The following GRIK2 variants were observed in gnomAD, a reference collection of about 807,000 sequenced individuals.
The protein encoded by GRIK2 is glutamate receptor ionotropic, kainate 2.
A neutral mutation model predicts 100.3 loss-of-function variants in GRIK2; 32 were observed. That is an observed-to-expected ratio of 0.32 (90% confidence interval 0.24 to 0.43). The LOEUF is 0.43. Ranked by LOEUF, GRIK2 falls within the 20% of genes least tolerant of loss-of-function variation. The pLI is 1.00. For missense variants in GRIK2, 843 were observed against 1,114.9 expected (o/e 0.76, Z 3.47); for synonymous variants, 417 against 389.4 (o/e 1.07, Z -0.83).
intron 11 of GRIK2, among the ~76,000 whole-genome samples, chr6:101,880,075 G>A (rs2791843): frequency 0.011 from 1,718 of 152,074 alleles, 42 homozygotes; most frequent in African/African-American, 0.04. Context: ...TAGTGTCAGA[G>A]CCAACTACAC....
At chr6:101,821,029 G>A (rs1307529575) in intron 10 of GRIK2, among the ~76,000 whole-genome samples, 4 of 152,088 alleles carry the variant, frequency 2.6e-5, no homozygotes, top group Non-Finnish European at 5.9e-5. Context: ...CTTGGGTATA[G>A]CAAGAGCTCA....
At chr6:101,978,783 C>G (rs565669939) in intron 14 of GRIK2, among the ~76,000 whole-genome samples, 2 of 151,872 alleles carry the variant, frequency 1.3e-5, no homozygotes, top group Non-Finnish European at 2.9e-5. Context: ...TGCTAATGAT[C>G]AGTTTTCTAT....
chr6:102,067,956 G>C (rs1440172292), intron 16 of GRIK2, among the ~76,000 whole-genome samples: 1 of 151,772 alleles, frequency 6.6e-6, no homozygotes, highest in Non-Finnish European at 1.5e-5. Flanking sequence ...AGTATGATTT[G>C]TCTATTTTTT....
chr6:101,721,337 T>C (rs976053024), intron 7 of GRIK2, among the ~76,000 whole-genome samples: 6 of 152,002 alleles, frequency 3.9e-5, no homozygotes, highest in African/African-American at 1.4e-4. Flanking sequence ...GGCAGATCAC[T>C]TGAACCCAGG....
intron 9 of GRIK2, among the ~76,000 whole-genome samples, chr6:101,814,498 A>G (rs1781516361): frequency 6.6e-6 from 1 of 152,150 alleles, no homozygotes; most frequent in Non-Finnish European, 1.5e-5. Flanking sequence ...CTTGACAATT[A>G]TAAACCTTTA....
At chr6:101,537,254 A>G (rs1006051349) in intron 2 of GRIK2, among the ~76,000 whole-genome samples, 2 of 151,708 alleles carry the variant, frequency 1.3e-5, no homozygotes, top group Admixed American at 6.6e-5. Flanking sequence ...AGGAAATTGT[A>G]TTTTTCCCAT....
intron 7 of GRIK2, among the ~76,000 whole-genome samples, chr6:101,742,689 G>A (rs1414212574): frequency 6.6e-6 from 1 of 152,150 alleles, no homozygotes; most frequent in Non-Finnish European, 1.5e-5. Context: ...TAAAGACCTG[G>A]GATCAATAGA....
At chr6:101,808,867 C>T (rs1038342062) in intron 9 of GRIK2, among the ~76,000 whole-genome samples, 21 of 151,312 alleles carry the variant, frequency 1.4e-4, no homozygotes, top group Non-Finnish European at 2.1e-4. Context: ...TTTGCCCCAG[C>T]GTAGGTTTGT....
intron 2 of GRIK2, among the ~76,000 whole-genome samples, chr6:101,614,302 T>G (rs987848710): frequency 1.3e-5 from 2 of 151,720 alleles, no homozygotes; most frequent in African/African-American, 2.4e-5. Context: ...CCCCCCAAAC[T>G]TTTATTTTGA....
At chr6:101,610,755 G>A (rs951799230) in intron 2 of GRIK2, among the ~76,000 whole-genome samples, 17 of 151,800 alleles carry the variant, frequency 1.1e-4, no homozygotes, top group East Asian at 3.9e-4. Flanking sequence ...GTCACTTTTC[G>A]CCTTTTCTTT....
chr6:101,409,191 A>T (rs1459653167), intron 2 of GRIK2, among the ~76,000 whole-genome samples: 2 of 150,334 alleles, frequency 1.3e-5, no homozygotes, highest in Non-Finnish European at 3.0e-5. Context: ...TACTGTATAT[A>T]TTCTGTGTAG....
intron 2 of GRIK2, among the ~76,000 whole-genome samples, chr6:101,437,943 AG>A (rs1769829207): frequency 6.6e-6 from 1 of 152,126 alleles, no homozygotes; most frequent in South Asian, 2.1e-4. Flanking sequence ...AAGGAAATAA[AG>A]GATGAAGCAG....
At chr6:101,546,693 ATTAG>A (rs1198522146) in intron 2 of GRIK2, among the ~76,000 whole-genome samples, 4 of 151,964 alleles carry the variant, frequency 2.6e-5, no homozygotes, top group Non-Finnish European at 5.9e-5. Flanking sequence ...CTACCTATGT[ATTAG>A]TTAATATTGT....
intron 2 of GRIK2, among the ~76,000 whole-genome samples, chr6:101,433,819 T>C (rs1345867630): frequency 1.3e-5 from 2 of 152,194 alleles, no homozygotes; most frequent in African/African-American, 4.8e-5. Context: ...TTATCCCCTG[T>C]TTGCCTATAT....
At chr6:101,641,242 A>C (rs1781265447) in intron 4 of GRIK2, among the ~76,000 whole-genome samples, 1 of 152,086 alleles carries the variant, frequency 6.6e-6, no homozygotes, top group Admixed American at 6.6e-5. Flanking sequence ...AAAATGTACA[A>C]AAAGTACTAA....
intron 12 of GRIK2, among the ~76,000 whole-genome samples, chr6:101,920,320 C>T (rs902651592): frequency 1.3e-5 from 2 of 151,932 alleles, no homozygotes; most frequent in Admixed American, 1.3e-4. Context: ...GCTCTGTTTT[C>T]CTCAGCAAGG....
intron 14 of GRIK2, 100 bp from the exon 15 acceptor site, chr6:102,035,241 C>CAAGTA: frequency 2.1e-6 from 1 of 487,472 alleles, no homozygotes; most frequent in African/African-American, 2.0e-5. Context: ...TAAGATGGTA[C>CAAGTA]AAGTAAAGTA....
intron 2 of GRIK2, among the ~76,000 whole-genome samples, chr6:101,404,014 A>C (rs1300297711): frequency 1.3e-5 from 2 of 152,266 alleles, no homozygotes; most frequent in Non-Finnish European, 2.9e-5. Flanking sequence ...ATGACTTTGA[A>C]AAATGATCTT....
intron 7 of GRIK2, among the ~76,000 whole-genome samples, chr6:101,696,541 G>C (rs992441255): frequency 6.6e-6 from 1 of 151,878 alleles, no homozygotes; most frequent in Non-Finnish European, 1.5e-5. Flanking sequence ...CCTAGGAATA[G>C]TGACCCAAAC....
Sources: gnomAD v4.1 joint callset for allele counts (sites outside exome capture counted in the v4.1 genomes callset) on GRCh38, gnomAD v4.1.1 for gene constraint, MANE v1.5 for transcripts, NCBI Gene and HGNC (gene_info 2026-07-23, HGNC 2026-07-21) for gene names.